Variants in NELFB observed in about 807,000 individuals in gnomAD.
The protein encoded by NELFB is negative elongation factor B.
In NELFB, 34 loss-of-function variants were observed where a neutral mutation model predicts 60.2. That is an observed-to-expected ratio of 0.56 (90% confidence interval 0.43 to 0.75). The LOEUF (loss-of-function observed/expected upper bound fraction) is 0.75, where lower values mean the gene tolerates loss of function less well. Ranked by LOEUF, NELFB falls within the 30% of genes least tolerant of loss-of-function variation. The pLI, the probability that NELFB is intolerant of heterozygous loss-of-function variation, is 0.00. For missense variants in NELFB, 770 were observed against 831.6 expected, an observed-to-expected ratio of 0.93 and a Z score of 0.91; for synonymous variants, 459 against 382.1, an observed-to-expected ratio of 1.20 and a Z score of -2.35.
rs754686871 is a variant in NELFB, at chr9:137,256,968, G to A, written c.655G>A (p.Glu219Lys). The A allele has an allele frequency of 3.7e-6, 6 of 1,614,038 alleles. No homozygotes were observed. Among genetic ancestry groups the A allele is most frequent in the South Asian group, 1.1e-5 (1 of 91,094 alleles). Residue 219 changes from glutamate (E) to lysine (K), a missense_variant, in exon 4 of 13, where the codon GAG (glutamate) becomes AAG (lysine). By Grantham distance (56) the Glu-to-Lys change is moderately conservative. Coordinates refer to ENST00000343053, the MANE Select transcript of NELFB (RefSeq NM_015456.5). ...CCCACTCCTGAAGCAGTACATCCTG[G>A]AGAAGGAGAGCGCTCTCTTCAGTAC...
chr9:137,257,768 C>G (rs1837579304), intron 4 of NELFB, among the ~76,000 whole-genome samples: 1 of 150,342 alleles, frequency 6.7e-6, no homozygotes, highest in Non-Finnish European at 1.5e-5. Context: ...TCCCAAAGTG[C>G]TGGGATTACA....
intron 2 of NELFB, 27 bp from the exon 3 acceptor site, chr9:137,256,302 C>T (rs776399014): frequency 3.1e-6 from 5 of 1,602,746 alleles, no homozygotes; most frequent in Non-Finnish European, 4.3e-6. Context: ...CGCATCGCTG[C>T]ACCATCAATC....
Position 137,255,373 on chromosome 9 carries a change from A to T in NELFB, c.8A>T (p.Glu3Val). ...TCGCGCGGCGGGCGGGACCTGGCCG[A>T]GCTGGAGGGCGCCGGGGAGCGGGGC... The change falls in exon 1 of 13, where the codon GAG becomes GTG. Residue 3 changes from glutamate (E) to valine (V), a missense_variant. Glu to Val is a moderately radical substitution (Grantham distance 121). Coordinates refer to ENST00000343053, the MANE Select transcript of NELFB (RefSeq NM_015456.5). The T allele has an allele frequency of 1.8e-6, 1 of 564,944 alleles. No individual in the cohort carries two copies. The highest frequency in any genetic ancestry group is 2.6e-6 in the Non-Finnish European group (1 of 382,764). 35.0% of individuals were successfully genotyped at this position (564,944 alleles called of 1,614,324 possible).
In NELFB at chr9:137,267,058, C is replaced by T. The variant is rs1196269076; in HGVS notation, c.1354C>T (p.Pro452Ser). ...TGAGGAGAAAGCCCCAGTCTCATAT[C>T]CAAACACACTTCCCGAAAGCTTCAC... Residue 452 changes from proline to serine, a missense_variant, in exon 9 of 13, where the codon CCA becomes TCA. Transcript: ENST00000343053. The T allele has an allele frequency of 1.2e-6, 2 of 1,614,076 alleles. No individual in the cohort carries two copies. The highest frequency in any genetic ancestry group is 8.5e-7 in the Non-Finnish European group (1 of 1,180,016).
At chr9:137,257,633 G>C (rs1477553709) in intron 4 of NELFB, among the ~76,000 whole-genome samples, 1 of 151,752 alleles carries the variant, frequency 6.6e-6, no homozygotes, top group Non-Finnish European at 1.5e-5. Flanking sequence ...CTCCCGAGTA[G>C]CTGGGATTAC....
At position 137,255,412 on chromosome 9, in the gene NELFB, G is replaced by A; in HGVS notation, c.47G>A (p.Arg16Gln). 9.3e-7 allele frequency: 1 copy of A among 1,077,096 alleles called. No individual in the cohort carries two copies. The highest frequency in any genetic ancestry group is 1.2e-6 in the Non-Finnish European group (1 of 815,732). The allele number at this position is 1,077,096 out of a possible 1,614,324, so 66.7% of individuals were successfully genotyped here. The stretch of plus-strand genomic sequence containing the variant: ...GGGGAGCGGGGCTCGGGCGGTCCCC[G>A]AGGCCCGGCGGAGCGGGCTTCTGGG... The change falls in exon 1 of 13, where the codon CGA (arginine) becomes CAA (glutamine). Residue 16 changes from arginine to glutamine, a missense_variant. By Grantham distance (43) the Arg-to-Gln change is conservative. Transcript: ENST00000343053.
intron 4 of NELFB, 65 bp from the exon 5 acceptor site, chr9:137,262,972 G>A (rs1207936563): frequency 1.0e-5 from 16 of 1,563,162 alleles, no homozygotes; most frequent in South Asian, 3.4e-5. Context: ...GTCGCCGGGC[G>A]TGACGTCCCT....
intron 4 of NELFB, 23 bp downstream of exon 4, chr9:137,257,077 G>T: frequency 6.3e-7 from 1 of 1,597,960 alleles, no homozygotes; most frequent in Non-Finnish European, 8.5e-7. Context: ...GCCGTGTGCG[G>T]GGTGGGGCAC....
Position 137,266,565 on chromosome 9 carries a change from CCTTT to C in NELFB, c.1239+140_1239+143del, listed in dbSNP as rs919847297. On this transcript the variant is annotated intron_variant, in intron 8 of 12. Transcript: ENST00000343053. ...CTTCCTTCCTGGAGCTGCCCACCTT[CCTTT>C]TGGGAAAATGCCCACCAGGGAGGTT... 7.8e-6 allele frequency: 6 copies of C among 770,120 alleles called. No homozygotes were observed. The Admixed American group carries it at 1.7e-4, about 22-fold the overall frequency. 47.7% of individuals were successfully genotyped at this position (770,120 alleles called of 1,614,324 possible). A position where few individuals can be genotyped will look rare whatever the true frequency, so the allele number is the denominator to read the frequency against.
intron 12 of NELFB, 71 bp from the exon 13 acceptor site, chr9:137,272,711 T>C: frequency 1.3e-6 from 2 of 1,519,344 alleles, no homozygotes; most frequent in South Asian, 1.2e-5. Context: ...GTGTGGTCGG[T>C]GGGCACCCAC....
At position 137,264,300 on chromosome 9, in the gene NELFB, C is replaced by T. The variant is rs758978015; in HGVS notation, c.983C>T (p.Ala328Val). 8 of 1,604,644 alleles carry T rather than the reference C, an allele frequency of 5.0e-6. No individual in the cohort carries two copies. Among genetic ancestry groups the T allele is most frequent in the Non-Finnish European group, 5.9e-6 (7 of 1,176,810 alleles). The stretch of plus-strand genomic sequence containing the variant: ...GAGCGGTTCGTGGACAGCAAGAGGG[C>T]GCGGGAGCTGCAGGGGTTTCTCGAT... The change falls in exon 6 of 13, where the codon GCG (alanine) becomes GTG (valine). Residue 328 changes from alanine to valine, a missense_variant. By Grantham distance (64) the Ala-to-Val change is moderately conservative. Coordinates refer to ENST00000343053, the MANE Select transcript of NELFB (RefSeq NM_015456.5).
At chr9:137,270,917 C>CA (rs1275393945) in intron 10 of NELFB, among the ~76,000 whole-genome samples, 4 of 152,146 alleles carry the variant, frequency 2.6e-5, no homozygotes, top group African/African-American at 9.6e-5. Context: ...AGACTCTTCT[C>CA]AAAAAAAATA....
In NELFB at chr9:137,267,387, G is replaced by A. The variant is rs1469840292; in HGVS notation, c.1489+41G>A. ...CGGTGCCTGGCTGTGTCTTCCCTGC[G>A]GCAGCTGCCGTATGCAGTCCTGCCC... is the stretch of plus-strand genomic sequence containing the variant. On this transcript the variant is annotated intron_variant, in intron 10 of 12. Transcript: ENST00000343053. 11 of 1,547,826 alleles carry A rather than the reference G, an allele frequency of 7.1e-6. No homozygotes were observed. The Admixed American group carries it at 7.7e-5, about 11-fold the overall frequency.
At chr9:137,266,493 G>A in intron 8 of NELFB, 67 bp downstream of exon 8, 2 of 1,375,746 alleles carry the variant, frequency 1.5e-6, no homozygotes, top group Non-Finnish European at 2.0e-6. Context: ...TGGGGTGGAG[G>A]GGGAGGCGCT....
chr9:137,272,959 C>A lies in NELFB; in HGVS notation c.*31C>A. ...CTCCAGACCTGCTCGGGTGCTGGGG[C>A]CATGCCGAGTCGCGGCCCTGCTCAG... On this transcript the variant is annotated 3_prime_UTR_variant, in exon 13 of 13. Transcript: ENST00000343053. The A allele has an allele frequency of 6.8e-7, 1 of 1,479,776 alleles. No homozygotes were observed. Among genetic ancestry groups the A allele is most frequent in the South Asian group, 1.3e-5 (1 of 74,800 alleles). The allele number at this position is 1,479,776 out of a possible 1,614,324, so 91.7% of individuals were successfully genotyped here.
chr9:137,262,061 G>A (rs1254245454), intron 4 of NELFB, among the ~76,000 whole-genome samples: 1 of 152,108 alleles, frequency 6.6e-6, no homozygotes. Flanking sequence ...TTCACTAATT[G>A]ACTACTGCTA....
rs66744887 is a variant in NELFB, at chr9:137,265,387, C to CTTTTT, written c.1041-475_1041-471dup. Among the ~76,000 whole-genome samples, 112 of 91,840 alleles carry CTTTTT rather than the reference C, an allele frequency of 1.2e-3. 33 individuals are homozygous for CTTTTT. The highest frequency in any genetic ancestry group is 2.2e-3 in the Admixed American group (13 of 5,930). 60.3% of individuals were successfully genotyped at this position (91,840 alleles called of 152,430 possible). ...TTAAGGACAAATTGCAAACCTTAAGCTTTTTTTTTTTTTTTTTTTGAGACA... is the reference window on the plus strand; with the variant it reads ...TTAAGGACAAATTGCAAACCTTAAGCTTTTTTTTTTTTTTTTTTTTTTTTGAGACA... On this transcript the variant is annotated intron_variant, in intron 6 of 12. Coordinates refer to ENST00000343053, the MANE Select transcript of NELFB (RefSeq NM_015456.5).
Position 137,269,961 on chromosome 9 carries a change from C to A in NELFB, c.1490-2120C>A, listed in dbSNP as rs1032905517. ...AGAATGGATGTTGATTTTTAGAATT[C>A]TCTCCTGTTTATTTTTTAACATTTT... is the stretch of plus-strand genomic sequence containing the variant. On this transcript the variant is annotated intron_variant, in intron 10 of 12. Coordinates refer to ENST00000343053, the MANE Select transcript of NELFB (RefSeq NM_015456.5). This position sits in a 1 kb window ranked among gnomAD's most constrained non-coding sequence, Gnocchi z 5.3. 1.2e-4 allele frequency among the ~76,000 whole-genome samples: 19 copies of A among 152,168 alleles called. No homozygotes were observed. Among genetic ancestry groups the A allele is most frequent in the African/African-American group, 4.6e-4 (19 of 41,420 alleles).
At chr9:137,271,959 G>A in intron 10 of NELFB, 122 bp from the exon 11 acceptor site, 1 of 1,307,978 alleles carries the variant, frequency 7.6e-7, no homozygotes, top group Non-Finnish European at 1.1e-6. Context: ...TCTCATCTCA[G>A]AACAACTGAG....
Sources: allele counts gnomAD v4.1 joint callset (sites outside exome capture counted in the v4.1 genomes callset), GRCh38; gene constraint gnomAD v4.1.1; non-coding constraint Gnocchi (gnomAD v3.1); transcripts MANE v1.5; gene names NCBI Gene and HGNC (gene_info 2026-07-23, HGNC 2026-07-21).